Variants in MAD1L1 observed in about 807,000 individuals in gnomAD.
The protein encoded by MAD1L1 is mitotic spindle assembly checkpoint protein MAD1.
A neutral mutation model predicts 96.9 loss-of-function variants in MAD1L1; 95 were observed. That is an observed-to-expected ratio of 0.98 (90% CI 0.83 to 1.16). The LOEUF (loss-of-function observed/expected upper bound fraction) is 1.16, where lower values mean the gene tolerates loss of function less well. MAD1L1 is among the 50% of genes most tolerant of loss of function. The pLI, the probability that MAD1L1 is intolerant of heterozygous loss-of-function variation, is 0.00. For synonymous variants in MAD1L1, 473 were observed against 396.6 expected, an observed-to-expected ratio of 1.19 and a Z score of -2.29; for missense variants, 1,007 against 954.4, an observed-to-expected ratio of 1.06 and a Z score of -0.73.
At chr7:1,897,903 A>C (rs1176181523) in intron 18 of MAD1L1, among the ~76,000 whole-genome samples, 2 of 152,232 alleles carry the variant, frequency 1.3e-5, no homozygotes, top group African/African-American at 4.8e-5. Flanking sequence ...CTACGGCCGC[A>C]GCCCTCATGG....
chr7:1,971,803 G>C (rs73292443), intron 15 of MAD1L1, among the ~76,000 whole-genome samples: 5,182 of 152,228 alleles, frequency 0.034, 194 homozygotes, highest in East Asian at 0.088. Flanking sequence ...GCCAGCAATG[G>C]AACAGCCAAG....
At chr7:2,014,865 C>G (rs138309572) in intron 12 of MAD1L1, among the ~76,000 whole-genome samples, 2 of 152,358 alleles carry the variant, frequency 1.3e-5, no homozygotes, top group African/African-American at 4.8e-5. Flanking sequence ...GGCTTTGCCT[C>G]GGCACCCGCT....
At position 2,146,862 on chromosome 7, in the gene MAD1L1, G is replaced by A. The variant is rs1400407324; in HGVS notation, c.1073+2290C>T. Reference sequence around the variant, plus strand: ...CCCTGACCCCGCCACGGCAGGCCGCGACGAACACGGTGTCCCGCCACGGAA... The same window carrying A: ...CCCTGACCCCGCCACGGCAGGCCGCAACGAACACGGTGTCCCGCCACGGAA... On this transcript the variant is annotated intron_variant, in intron 11 of 18. Coordinates refer to ENST00000265854, the MANE Select transcript of MAD1L1 (RefSeq NM_001013836.2). The surrounding 1 kb of genome is among the most constrained non-coding windows in gnomAD (Gnocchi z 6.2). 6.6e-6 allele frequency among the ~76,000 whole-genome samples: 1 copy of A among 152,188 alleles called. No individual in the cohort carries two copies. The highest frequency in any genetic ancestry group is 2.4e-5 in the African/African-American group (1 of 41,444).
intron 11 of MAD1L1, among the ~76,000 whole-genome samples, chr7:2,141,592 C>T (rs904253856): frequency 2.6e-5 from 4 of 152,236 alleles, no homozygotes; most frequent in African/African-American, 7.2e-5. Context: ...CCAAGACAGA[C>T]GCCCGCTCAC....
At chr7:1,836,115 G>A (rs1454783603) in intron 18 of MAD1L1, among the ~76,000 whole-genome samples, 4 of 152,102 alleles carry the variant, frequency 2.6e-5, no homozygotes, top group Non-Finnish European at 4.4e-5. Context: ...TCCGCCTCCT[G>A]GGTTCAAGCA....
intron 11 of MAD1L1, among the ~76,000 whole-genome samples, chr7:2,091,653 G>A (rs555749777): frequency 1.3e-5 from 2 of 152,204 alleles, no homozygotes; most frequent in South Asian, 2.1e-4. Flanking sequence ...GTGGGCGCCT[G>A]TAGTCCCAGC....
At chr7:2,181,280 G>A (rs1312425062) in intron 10 of MAD1L1, among the ~76,000 whole-genome samples, 1 of 152,262 alleles carries the variant, frequency 6.6e-6, no homozygotes, top group African/African-American at 2.4e-5. Flanking sequence ...TGCCAGGGCT[G>A]GCTGCTGGTG....
At chr7:2,144,081 G>A (rs1333268989) in intron 11 of MAD1L1, among the ~76,000 whole-genome samples, 1 of 152,206 alleles carries the variant, frequency 6.6e-6, no homozygotes, top group Non-Finnish European at 1.5e-5. Context: ...GGACCCAGGA[G>A]CCACCTGCAA....
At chr7:1,861,038 G>A (rs989751142) in intron 18 of MAD1L1, among the ~76,000 whole-genome samples, 5 of 152,344 alleles carry the variant, frequency 3.3e-5, no homozygotes, top group East Asian at 3.9e-4. Context: ...CTCGGAAGCC[G>A]TCACTGGGAC....
At chr7:1,838,395 A>C (rs1783048003) in intron 18 of MAD1L1, among the ~76,000 whole-genome samples, 1 of 152,252 alleles carries the variant, frequency 6.6e-6, no homozygotes, top group Non-Finnish European at 1.5e-5. Flanking sequence ...TCACAGCAGC[A>C]CTGTGTGTAA....
intron 18 of MAD1L1, among the ~76,000 whole-genome samples, chr7:1,843,339 C>A (rs561560778): frequency 5.9e-5 from 9 of 152,170 alleles, no homozygotes; most frequent in Non-Finnish European, 1.3e-4. Context: ...GCAAAGCTGG[C>A]CCCGGGGAGC....
chr7:2,004,141 C>G (rs1781925098), intron 13 of MAD1L1, among the ~76,000 whole-genome samples: 1 of 152,178 alleles, frequency 6.6e-6, no homozygotes, highest in Non-Finnish European at 1.5e-5. Flanking sequence ...ACACCCCGCC[C>G]AGGTCTACCA....
intron 10 of MAD1L1, among the ~76,000 whole-genome samples, chr7:2,154,547 T>C (rs1789732245): frequency 6.6e-6 from 1 of 152,172 alleles, no homozygotes; most frequent in Admixed American, 6.5e-5. Flanking sequence ...CCAAATACCC[T>C]AAACTTGCCC....
chr7:1,841,346 T>G (rs1313061909), intron 18 of MAD1L1, among the ~76,000 whole-genome samples: 1 of 152,190 alleles, frequency 6.6e-6, no homozygotes, highest in African/African-American at 2.4e-5. Context: ...TGAAGCTGCA[T>G]CTCATGAAAC....
intron 13 of MAD1L1, among the ~76,000 whole-genome samples, chr7:2,003,807 C>A (rs960278559): frequency 4.6e-5 from 7 of 152,206 alleles, no homozygotes; most frequent in East Asian, 1.9e-4. Context: ...CGTGGCCACG[C>A]TGGGCTGTGT....
At chr7:1,941,460 A>G (rs1278697310) in intron 16 of MAD1L1, among the ~76,000 whole-genome samples, 8 of 152,230 alleles carry the variant, frequency 5.3e-5, no homozygotes, top group Non-Finnish European at 7.3e-5. Context: ...CAGAGAAAAG[A>G]TAAAACTGAG....
chr7:1,910,365 C>T (rs956361483), intron 17 of MAD1L1, among the ~76,000 whole-genome samples: 1 of 152,212 alleles, frequency 6.6e-6, no homozygotes, highest in African/African-American at 2.4e-5. Context: ...CAGAATCCAG[C>T]TCCACGGTCT....
Position 1,936,758 on chromosome 7 carries a change from T to C in MAD1L1, c.1736A>G (p.Glu579Gly). Reference protein sequence around the residue: ...ERLRGLLRAMERGGTVPADLE... With the variant: ...ERLRGLLRAMGRGGTVPADLE... The stretch of plus-strand genomic sequence containing the variant: ...GTCGGCTGGGACGGTGCCTCCTCTC[T>C]CCATGGCGCGCAGGAGCCCGCGCAG... Residue 579 changes from glutamate (E) to glycine (G), a missense_variant, in exon 17 of 19, where the codon GAG becomes GGG. Coordinates refer to ENST00000265854, the MANE Select transcript of MAD1L1 (RefSeq NM_001013836.2). 1 of 1,570,598 alleles carries C rather than the reference T, an allele frequency of 6.4e-7. No homozygotes were observed. The highest frequency in any genetic ancestry group is 8.6e-7 in the Non-Finnish European group (1 of 1,159,168).
At chr7:1,864,385 G>C (rs532369933) in intron 18 of MAD1L1, among the ~76,000 whole-genome samples, 1 of 152,348 alleles carries the variant, frequency 6.6e-6, no homozygotes, top group Non-Finnish European at 1.5e-5. Flanking sequence ...CAGAGCTCCA[G>C]GGAACCTGCA....
Sources: gnomAD v4.1 joint callset for allele counts (sites outside exome capture counted in the v4.1 genomes callset) on GRCh38, gnomAD v4.1.1 for gene constraint, Gnocchi (gnomAD v3.1) non-coding constraint, MANE v1.5 for transcripts, NCBI Gene and HGNC (gene_info 2026-07-23, HGNC 2026-07-21) for gene names.